ZNF823: variants seen among roughly 807,000 people sequenced by gnomAD.
The protein encoded by ZNF823 is zinc finger protein 823.
A neutral mutation model predicts 11.4 loss-of-function variants in ZNF823; 5 were observed. That is an observed-to-expected ratio of 0.44 (90% CI 0.23 to 0.92). ZNF823 has a LOEUF of 0.92. ZNF823 is among the 40% of genes least tolerant of loss of function. ZNF823 has a pLI of 0.24. For missense variants in ZNF823, 582 were observed against 738.5 expected, an observed-to-expected ratio of 0.79 and a Z score of 2.46; for synonymous variants, 234 against 250.5, an observed-to-expected ratio of 0.93 and a Z score of 0.62.
intron 1 of ZNF823, chr19:11,725,946 G>C (rs1339937461): frequency 6.6e-6 from 1 of 152,086 alleles, no homozygotes; most frequent in Non-Finnish European, 1.5e-5. Flanking sequence ...AATAAAACTA[G>C]GTCTGACTCA....
chr19:11,726,455 T>A (rs1974795336), intron 1 of ZNF823, among the ~76,000 whole-genome samples: 1 of 151,854 alleles, frequency 6.6e-6, no homozygotes, highest in Non-Finnish European at 1.5e-5. Context: ...ATCCTCAATA[T>A]GACAATAATG....
intron 1 of ZNF823, among the ~76,000 whole-genome samples, chr19:11,738,590 G>A (rs1420906816): frequency 2.0e-5 from 3 of 152,234 alleles, no homozygotes; most frequent in Admixed American, 6.5e-5. Flanking sequence ...CGCCGGGGCC[G>A]GGGCCGCAGC....
intron 1 of ZNF823, among the ~76,000 whole-genome samples, chr19:11,728,884 C>T (rs1368966659): frequency 1.3e-5 from 2 of 151,992 alleles, no homozygotes; most frequent in African/African-American, 4.8e-5. Flanking sequence ...ATTAAAAAAA[C>T]AAGGCTGGAA....
intron 1 of ZNF823, among the ~76,000 whole-genome samples, chr19:11,732,169 C>CTTTTTTTTTTT (rs1170787951): frequency 0.016 from 2,126 of 135,330 alleles, 63 homozygotes; most frequent in Non-Finnish European, 0.026. Flanking sequence ...AAAGGTTTCC[C>CTTTTTTTTTTT]TTTTTTTTTT....
chr19:11,738,827 C>T lies in ZNF823; in HGVS notation c.-8G>A, dbSNP rs759962855. On this transcript the variant is annotated 5_prime_UTR_variant, in exon 1 of 4. Transcript: ENST00000341191. ...GCCCCGCACACTCACCATTTCCCAGCTTCCAGGTGTCCGGGTGTCCTCCTT... is the reference window on the plus strand; with the variant it reads ...GCCCCGCACACTCACCATTTCCCAGTTTCCAGGTGTCCGGGTGTCCTCCTT... 1.9e-6 allele frequency: 3 copies of T among 1,610,246 alleles called. No homozygotes were observed. The highest frequency in any genetic ancestry group is 2.5e-6 in the Non-Finnish European group (3 of 1,178,358).
intron 3 of ZNF823, 93 bp downstream of exon 3, chr19:11,724,101 G>A: frequency 2.0e-6 from 2 of 1,004,492 alleles, no homozygotes; most frequent in East Asian, 5.3e-5. Flanking sequence ...ATTTAAGCTG[G>A]GCTTGTTCAT....
At chr19:11,731,526 T>G (rs1371995596) in intron 1 of ZNF823, among the ~76,000 whole-genome samples, 1 of 151,926 alleles carries the variant, frequency 6.6e-6, no homozygotes, top group East Asian at 1.9e-4. Context: ...ACCAACCAAT[T>G]CTCCAGCAAT....
At position 11,723,198 on chromosome 19, in the gene ZNF823, A is replaced by G. The variant is rs1180208602; in HGVS notation, c.336T>C (p.Ser112=). The stretch of plus-strand genomic sequence containing the variant: ...TGTCAACTCTGATGTTGCAATTAAG[A>G]GACGAATGACCCAAGACGACTTCTC... ...ECGEVVLGHS[S]LNCNIRVDTG... The change falls in exon 4 of 4, where the codon TCT becomes TCC. Residue 112 remains serine, a synonymous_variant. Coordinates refer to ENST00000341191, the MANE Select transcript of ZNF823 (RefSeq NM_001080493.4). The G allele has an allele frequency of 1.9e-6, 3 of 1,614,156 alleles. No homozygotes were observed. Among genetic ancestry groups the G allele is most frequent in the Non-Finnish European group, 1.7e-6 (2 of 1,180,038 alleles).
At chr19:11,737,910 T>C (rs1382039966) in intron 1 of ZNF823, among the ~76,000 whole-genome samples, 1 of 152,060 alleles carries the variant, frequency 6.6e-6, no homozygotes, top group Non-Finnish European at 1.5e-5. Flanking sequence ...CCGGTCACCT[T>C]TGGGAAGAAA....
intron 2 of ZNF823, 62 bp downstream of exon 2, chr19:11,725,139 C>T (rs1042130357): frequency 8.2e-6 from 13 of 1,576,874 alleles, no homozygotes; most frequent in South Asian, 1.2e-5. Flanking sequence ...TCATGAACAG[C>T]GTTGATGGCC....
chr19:11,723,770 C>T (rs1291834694), intron 3 of ZNF823, among the ~76,000 whole-genome samples: 1 of 152,194 alleles, frequency 6.6e-6, no homozygotes, highest in Non-Finnish European at 1.5e-5. Flanking sequence ...GTCTTGAACT[C>T]CCGACCTCAG....
At chr19:11,732,134 A>G (rs1289417858) in intron 1 of ZNF823, among the ~76,000 whole-genome samples, 1 of 151,804 alleles carries the variant, frequency 6.6e-6, no homozygotes. Context: ...AGAGGTATTC[A>G]GCAAGGGAAA....
At chr19:11,733,929 G>A (rs1244657247) in intron 1 of ZNF823, among the ~76,000 whole-genome samples, 1 of 152,048 alleles carries the variant, frequency 6.6e-6, no homozygotes, top group African/African-American at 2.4e-5. Context: ...CTGGTTAATA[G>A]CTAGAATTAA....
chr19:11,729,124 G>A (rs1366365257), intron 1 of ZNF823, among the ~76,000 whole-genome samples: 7 of 151,022 alleles, frequency 4.6e-5, no homozygotes, highest in South Asian at 2.1e-4. Context: ...GCAGTGAGCC[G>A]AGATTGTGCC....
At chr19:11,729,767 C>G (rs1344958309) in intron 1 of ZNF823, among the ~76,000 whole-genome samples, 1 of 152,088 alleles carries the variant, frequency 6.6e-6, no homozygotes, top group Non-Finnish European at 1.5e-5. Flanking sequence ...CCAGGAAAAA[C>G]AAGTTTCCTC....
At chr19:11,726,901 C>T (rs1821407577) in intron 1 of ZNF823, among the ~76,000 whole-genome samples, 1 of 152,128 alleles carries the variant, frequency 6.6e-6, no homozygotes, top group Non-Finnish European at 1.5e-5. Flanking sequence ...GGATATTTAG[C>T]CCATCCTATG....
Position 11,738,892 on chromosome 19 carries a change from A to G in ZNF823, c.-73T>C, listed in dbSNP as rs1475662423. ...GTCCCAGCGCGACAGACGCTGATAC[A>G]GACCTTCCAGGGCGTCTCTCTCTCA... On this transcript the variant is annotated 5_prime_UTR_variant, in exon 1 of 4. Coordinates refer to ENST00000341191, the MANE Select transcript of ZNF823 (RefSeq NM_001080493.4). 3.9e-6 allele frequency: 6 copies of G among 1,556,232 alleles called. No homozygotes were observed. Among genetic ancestry groups the G allele is most frequent in the Admixed American group, 2.0e-5 (1 of 50,886 alleles).
chr19:11,728,169 G>C (rs988472889), intron 1 of ZNF823, among the ~76,000 whole-genome samples: 3 of 152,086 alleles, frequency 2.0e-5, no homozygotes, highest in African/African-American at 7.2e-5. Context: ...GAGCCACAGC[G>C]CCCGGCCAAG....
chr19:11,732,279 C>T (rs1312880365), intron 1 of ZNF823, among the ~76,000 whole-genome samples: 2 of 150,968 alleles, frequency 1.3e-5, no homozygotes, highest in Non-Finnish European at 1.5e-5. Context: ...ATTCTCCTGC[C>T]TCAGCCTCCC....
Sources: gnomAD v4.1 joint callset for allele counts (sites outside exome capture counted in the v4.1 genomes callset) on GRCh38, gnomAD v4.1.1 for gene constraint, MANE v1.5 for transcripts, NCBI Gene and HGNC (gene_info 2026-07-23, HGNC 2026-07-21) for gene names.